The following SGCZ variants were observed in gnomAD, a reference collection of about 807,000 sequenced individuals.
SGCZ encodes the protein sarcoglycan zeta.
In SGCZ, 40 loss-of-function variants were observed where a neutral mutation model predicts 41.3. That is an observed-to-expected ratio of 0.97 (90% CI 0.75 to 1.26). The LOEUF (loss-of-function observed/expected upper bound fraction) is 1.26. Ranked by LOEUF, SGCZ falls within the 50% of genes most tolerant of loss-of-function variation. The pLI is 0.00. For missense variants in SGCZ, 552 were observed against 369.8 expected, an observed-to-expected ratio of 1.49 and a Z score of -4.04; for synonymous variants, 206 against 137.5, an observed-to-expected ratio of 1.50 and a Z score of -3.49.
intron 1 of SGCZ, among the ~76,000 whole-genome samples, chr8:15,132,026 A>G (rs1025256959): frequency 6.6e-6 from 1 of 152,234 alleles, no homozygotes; most frequent in African/African-American, 2.4e-5. Flanking sequence ...GAACAAATGT[A>G]TAATCATAAT....
intron 1 of SGCZ, among the ~76,000 whole-genome samples, chr8:14,910,241 T>G (rs1339044303): frequency 6.6e-6 from 1 of 152,078 alleles, no homozygotes; most frequent in African/African-American, 2.4e-5. Context: ...TAATTCCCAG[T>G]TGGTTAAAAC....
chr8:15,139,293 G>T (rs1563146190), intron 1 of SGCZ, among the ~76,000 whole-genome samples: 1 of 152,086 alleles, frequency 6.6e-6, no homozygotes, highest in Non-Finnish European at 1.5e-5. Flanking sequence ...TAAACAACAT[G>T]TATCAGTCAT....
chr8:14,416,307 G>A (rs1407166041), intron 2 of SGCZ, among the ~76,000 whole-genome samples: 1 of 151,910 alleles, frequency 6.6e-6, no homozygotes, highest in Admixed American at 6.6e-5. Context: ...AGCAGCTGTT[G>A]TCCTGTAGAG....
chr8:15,120,806 A>G (rs1340036230), intron 1 of SGCZ, among the ~76,000 whole-genome samples: 1 of 152,200 alleles, frequency 6.6e-6, no homozygotes, highest in Non-Finnish European at 1.5e-5. Flanking sequence ...TCAAACTTTT[A>G]CAACATTAAA....
At chr8:14,458,039 T>A (rs1179712562) in intron 2 of SGCZ, among the ~76,000 whole-genome samples, 3 of 152,090 alleles carry the variant, frequency 2.0e-5, no homozygotes, top group African/African-American at 4.8e-5. Context: ...CATGGGTCAA[T>A]CAAACCTCCT....
chr8:14,272,749 T>A (rs762205163), intron 3 of SGCZ, among the ~76,000 whole-genome samples: 2 of 152,180 alleles, frequency 1.3e-5, no homozygotes, highest in Non-Finnish European at 2.9e-5. Context: ...TCTGAATTCA[T>A]AATATTGGTG....
intron 1 of SGCZ, among the ~76,000 whole-genome samples, chr8:15,119,509 C>A (rs1229998076): frequency 6.6e-6 from 1 of 150,766 alleles, no homozygotes; most frequent in African/African-American, 2.5e-5. Flanking sequence ...TCAGCCTAGG[C>A]AACAGAGAAA....
rs200400112 is a variant in SGCZ at position 14,507,751 on chromosome 8, TG to T, written c.234+46980del. On this transcript the variant is annotated intron_variant, in intron 2 of 7. Transcript: ENST00000382080. Reference sequence around the variant, plus strand: ...TAATTTCTACATTGCTGTTTTTGTTTGTTTGTTTGTTTTTTTGTTTTTGTTT... The same window carrying T: ...TAATTTCTACATTGCTGTTTTTGTTTTTTGTTTGTTTTTTTGTTTTTGTTT... Among the ~76,000 whole-genome samples the T allele has an allele frequency of 8.8e-3, 1,282 of 145,214 alleles. 21 individuals carry two copies. Among genetic ancestry groups the T allele is most frequent in the African/African-American group, 0.032 (1,229 of 38,942 alleles).
intron 3 of SGCZ, among the ~76,000 whole-genome samples, chr8:14,315,162 C>A (rs1354893978): frequency 1.3e-5 from 2 of 152,082 alleles, no homozygotes; most frequent in Non-Finnish European, 2.9e-5. Context: ...GGATGCATCA[C>A]TTATATTTCC....
intron 1 of SGCZ, among the ~76,000 whole-genome samples, chr8:14,803,229 G>A (rs1327089160): frequency 6.6e-6 from 1 of 152,126 alleles, no homozygotes; most frequent in Non-Finnish European, 1.5e-5. Context: ...GAGGAGCCAA[G>A]ATGGCCGAAT....
rs1347814524 is a variant in SGCZ, at chr8:14,624,576, T to A, written c.40-69650A>T. ...TATTATTTTTTTTTTTTTTTTTTTT[T>A]TTTTTTTTTTTTGAGACGGAGTCTC... is the stretch of plus-strand genomic sequence containing the variant. On this transcript the variant is annotated intron_variant, in intron 1 of 7. Transcript: ENST00000382080. 1.1e-3 allele frequency among the ~76,000 whole-genome samples: 142 copies of A among 134,262 alleles called. 2 individuals are homozygous for A. The highest frequency in any genetic ancestry group is 3.6e-3 in the African/African-American group (133 of 36,894). The allele number at this position is 134,262 out of a possible 152,430, so 88.1% of individuals were successfully genotyped here.
chr8:14,701,804 T>G (rs1262409038), intron 1 of SGCZ, among the ~76,000 whole-genome samples: 1 of 151,898 alleles, frequency 6.6e-6, no homozygotes, highest in Non-Finnish European at 1.5e-5. Context: ...TGACCTCTAT[T>G]GACCCACCCA....
intron 1 of SGCZ, among the ~76,000 whole-genome samples, chr8:14,979,956 G>C (rs1358078688): frequency 6.6e-6 from 1 of 152,054 alleles, no homozygotes. Flanking sequence ...GTACAACCTT[G>C]TTAAATTTTA....
In SGCZ at chr8:15,108,301, G is replaced by C. The variant is rs575548376; in HGVS notation, c.39+129284C>G. Among the ~76,000 whole-genome samples, 7 of 152,238 alleles carry C rather than the reference G, an allele frequency of 4.6e-5. No individual in the cohort carries two copies. The South Asian group carries it at 1.5e-3, about 32-fold the overall frequency. On this transcript the variant is annotated intron_variant, in intron 1 of 7. Transcript: ENST00000382080. Reference sequence around the variant, plus strand: ...TTTTAGGACAGTACACTCAGAAAGTGATTAAATTTTTATCAAACGCAGAGG... The same window carrying C: ...TTTTAGGACAGTACACTCAGAAAGTCATTAAATTTTTATCAAACGCAGAGG...
intron 2 of SGCZ, among the ~76,000 whole-genome samples, chr8:14,429,100 A>G (rs1799871219): frequency 6.6e-6 from 1 of 152,228 alleles, no homozygotes; most frequent in Non-Finnish European, 1.5e-5. Context: ...AGAATAGATC[A>G]CAGAACATTA....
At chr8:15,158,784 G>A (rs567357258) in intron 1 of SGCZ, among the ~76,000 whole-genome samples, 1 of 152,330 alleles carries the variant, frequency 6.6e-6, no homozygotes, top group African/African-American at 2.4e-5. Context: ...GGGTCACAGG[G>A]ATGAGGAGAC....
At chr8:15,002,279 ATAAT>A (rs1237858014) in intron 1 of SGCZ, among the ~76,000 whole-genome samples, 1 of 152,172 alleles carries the variant, frequency 6.6e-6, no homozygotes, top group African/African-American at 2.4e-5. Flanking sequence ...AAACTGAAAG[ATAAT>A]TAATTTAATT....
chr8:15,114,103 T>G (rs1026588949), intron 1 of SGCZ, among the ~76,000 whole-genome samples: 3 of 152,232 alleles, frequency 2.0e-5, no homozygotes, highest in Non-Finnish European at 4.4e-5. Context: ...ATTTGCTTAA[T>G]TCTATTTAAT....
intron 4 of SGCZ, among the ~76,000 whole-genome samples, chr8:14,178,321 A>C (rs184613419): frequency 6.6e-6 from 1 of 152,340 alleles, no homozygotes; most frequent in Non-Finnish European, 1.5e-5. Flanking sequence ...ATTTGAAGCT[A>C]AAGGAAATAA....
Sources: gnomAD v4.1 joint callset for allele counts (sites outside exome capture counted in the v4.1 genomes callset) on GRCh38, gnomAD v4.1.1 for gene constraint, MANE v1.5 for transcripts, NCBI Gene and HGNC (gene_info 2026-07-23, HGNC 2026-07-21) for gene names.